The following RRP12 variants were observed in gnomAD, a reference collection of about 807,000 sequenced individuals.
The protein encoded by RRP12 is RRP12-like protein.
In RRP12, 78 loss-of-function variants were observed where a neutral mutation model predicts 157.3. That is an observed-to-expected ratio of 0.50 (90% confidence interval 0.41 to 0.60). RRP12 has a LOEUF of 0.60. RRP12 is among the 20% of genes least tolerant of loss of function. The pLI, the probability that RRP12 is intolerant of heterozygous loss-of-function variation, is 0.00. For synonymous variants in RRP12, 726 were observed against 670.9 expected (o/e 1.08, Z -1.27); for missense variants, 1,521 against 1,679.9 (o/e 0.91, Z 1.65).
chr10:97,360,608 T>TA lies in RRP12; in HGVS notation c.3577_3578insT (p.Gln1193LeufsTer10). 6.2e-7 allele frequency: 1 copy of TA among 1,613,940 alleles called. No homozygotes were observed. Among genetic ancestry groups the TA allele is most frequent in the African/African-American group, 1.3e-5 (1 of 75,032 alleles). The stretch of plus-strand genomic sequence containing the variant: ...AGCCTCTTTCTGGTGCTTGAGCTTC[T>TA]GGTGCTTTTTCTATAGAGAGAGAAT... On this transcript the variant is annotated frameshift_variant, in exon 31 of 34. Transcript: ENST00000370992. LOFTEE classifies it high-confidence loss of function.
Position 97,358,932 on chromosome 10 carries a change from G to A in RRP12, c.3708+11C>T, listed in dbSNP as rs1240514715. On this transcript the variant is annotated intron_variant, in intron 32 of 33. Coordinates refer to ENST00000370992, the MANE Select transcript of RRP12 (RefSeq NM_015179.4). ...TGCCAGGAGACCCCATGCCCTACAT[G>A]CAGCACTTACCTTGGCCTTGTATTC... 4 of 1,610,304 alleles carry A rather than the reference G, an allele frequency of 2.5e-6. No individual in the cohort carries two copies. The highest frequency in any genetic ancestry group is 1.3e-5 in the African/African-American group (1 of 74,868).
In RRP12 at chr10:97,390,454, A is replaced by G. The variant is rs1844770439; in HGVS notation, c.722T>C (p.Leu241Pro). 3 of 1,614,068 alleles carry G rather than the reference A, an allele frequency of 1.9e-6. No individual in the cohort carries two copies. The highest frequency in any genetic ancestry group is 2.5e-6 in the Non-Finnish European group (3 of 1,179,952). Residue 241 changes from leucine to proline, a missense_variant, in exon 6 of 34, where the codon CTG becomes CCG. By Grantham distance (98) the Leu-to-Pro change is moderately conservative. Transcript: ENST00000370992. ...YPVTLQVYHG[L>P]LSFTVHPKPK... is the part of the protein sequence containing the mutation. ...CTTGGGATGCACCGTGAAGCTCAGC[A>G]GCCCATGGTACACCTGAAGGGTCAC... is the stretch of plus-strand genomic sequence containing the variant.
In RRP12 at chr10:97,366,795, C is replaced by A. The variant is rs960871098; in HGVS notation, c.3162G>T (p.Glu1054Asp). 24 of 1,614,102 alleles carry A rather than the reference C, an allele frequency of 1.5e-5. No homozygotes were observed. Among genetic ancestry groups the A allele is most frequent in the Non-Finnish European group, 2.0e-5 (24 of 1,180,054 alleles). ...CCTCCTCCTCCTCCTCTTCTTCCTC[C>A]TCCACGGCAGCCTGGCTCAGGGCTC... ...RHRALSQAAV[E>D]EEEEEEEEEE... Residue 1054 changes from glutamate to aspartate, a missense_variant, in exon 27 of 34, where the codon GAG becomes GAT. Transcript: ENST00000370992.
chr10:97,361,409 C>G lies in RRP12; in HGVS notation c.3568-791G>C, dbSNP rs550706648. On this transcript the variant is annotated intron_variant, in intron 30 of 33. Transcript: ENST00000370992. Reference sequence around the variant, plus strand: ...GGCAGGCAAACAGAGGTGGCCCCAGCTGGCAAGGCTGGTCCCTGCACTGTG... The same window carrying G: ...GGCAGGCAAACAGAGGTGGCCCCAGGTGGCAAGGCTGGTCCCTGCACTGTG... 2.2e-3 allele frequency among the ~76,000 whole-genome samples: 338 copies of G among 152,350 alleles called. 2 individuals are homozygous for G. The highest frequency in any genetic ancestry group is 7.7e-3 in the African/African-American group (320 of 41,594).
At chr10:97,377,147 T>C (rs1438504764) in intron 15 of RRP12, among the ~76,000 whole-genome samples, 1 of 151,684 alleles carries the variant, frequency 6.6e-6, no homozygotes, top group African/African-American at 2.4e-5. Flanking sequence ...CCCCGAGTGC[T>C]AGGATTACAG....
At chr10:97,364,125 A>G (rs1843912108) in intron 29 of RRP12, among the ~76,000 whole-genome samples, 1 of 152,122 alleles carries the variant, frequency 6.6e-6, no homozygotes, top group African/African-American at 2.4e-5. Flanking sequence ...ACGGCCCCTC[A>G]AAGAAGCGGT....
chr10:97,373,263 G>C, intron 17 of RRP12, 63 bp from the exon 18 acceptor site: 1 of 1,555,084 alleles, frequency 6.4e-7, no homozygotes, highest in South Asian at 1.2e-5. Context: ...AGTGGCTGCT[G>C]GGGCTGTGGC....
At chr10:97,398,023 G>T (rs11817766) in intron 2 of RRP12, among the ~76,000 whole-genome samples, 2 of 57,328 alleles carry the variant, frequency 3.5e-5, no homozygotes, top group African/African-American at 1.8e-4. Flanking sequence ...ATATATATAT[G>T]TATATATATA....
chr10:97,370,750 T>A lies in RRP12; in HGVS notation c.2549A>T (p.Glu850Val). The change falls in exon 22 of 34, where the codon GAA (glutamate) becomes GTA (valine). Residue 850 changes from glutamate to valine, a missense_variant. By Grantham distance (121) the Glu-to-Val change is moderately radical (BLOSUM62 -2). Transcript: ENST00000370992. ...GAGGGCAGTGATGAACTCCTTGTGT[T>A]CAGCTGAGAGCTTCCTCACGATGTG... Reference protein sequence around the residue: ...LLHIVRKLSAEHKEFITALIP... With the variant: ...LLHIVRKLSAVHKEFITALIP... 6.2e-7 allele frequency: 1 copy of A among 1,614,078 alleles called. No homozygotes were observed. Among genetic ancestry groups the A allele is most frequent in the Non-Finnish European group, 8.5e-7 (1 of 1,179,994 alleles).
intron 32 of RRP12, 58 bp downstream of exon 32, chr10:97,358,885 C>T (rs1843775593): frequency 2.8e-6 from 4 of 1,413,014 alleles, no homozygotes; most frequent in Non-Finnish European, 1.0e-6. Context: ...CTCCTCCTTG[C>T]CCCTCCCTGG....
rs1844124048 is a variant in RRP12 at position 97,370,739 on chromosome 10, A to G, written c.2560T>C (p.Phe854Leu). Residue 854 changes from phenylalanine (F) to leucine (L), a missense_variant, in exon 22 of 34, where the codon TTC (phenylalanine) becomes CTC (leucine). Transcript: ENST00000370992. The stretch of plus-strand genomic sequence containing the variant: ...ACCTCTGGGATGAGGGCAGTGATGA[A>G]CTCCTTGTGTTCAGCTGAGAGCTTC... The part of the protein sequence containing the change: ...VRKLSAEHKE[F>L]ITALIPEVIL... 1 of 1,613,888 alleles carries G rather than the reference A, an allele frequency of 6.2e-7. No homozygotes were observed. The highest frequency in any genetic ancestry group is 8.5e-7 in the Non-Finnish European group (1 of 1,179,930).
intron 8 of RRP12, among the ~76,000 whole-genome samples, chr10:97,387,643 T>TAAA (rs11316168): frequency 6.8e-6 from 1 of 146,208 alleles, no homozygotes. Context: ...TTAAAGCTGC[T>TAAA]AAAAAAAAAA....
chr10:97,398,905 C>T (rs544495629), intron 2 of RRP12, among the ~76,000 whole-genome samples: 66 of 152,146 alleles, frequency 4.3e-4, no homozygotes, highest in Non-Finnish European at 8.2e-4. Flanking sequence ...AAAAATAATG[C>T]TGTAGTAAAA....
chr10:97,366,333 CCT>C (rs1414162834), intron 28 of RRP12, 100 bp from the exon 29 acceptor site: 57 of 1,564,124 alleles, frequency 3.6e-5, no homozygotes, highest in Admixed American at 1.3e-4. Context: ...CAAACGGGCG[CCT>C]CTCAGCCCTG....
At position 97,393,875 on chromosome 10, in the gene RRP12, A is replaced by G. The variant is rs944091215; in HGVS notation, c.454-115T>C. Reference sequence around the variant, plus strand: ...AGTTGTGACTGAGAACCACGGTATCAGAGGTTCAGATCCTGACTCTGGCAT... The same window carrying G: ...AGTTGTGACTGAGAACCACGGTATCGGAGGTTCAGATCCTGACTCTGGCAT... On this transcript the variant is annotated intron_variant, in intron 3 of 33. Coordinates refer to ENST00000370992, the MANE Select transcript of RRP12 (RefSeq NM_015179.4). 1.2e-5 allele frequency: 9 copies of G among 763,224 alleles called. No individual in the cohort carries two copies. In the African/African-American group the frequency reaches 1.4e-4, roughly 12 times the overall value. 47.3% of individuals were successfully genotyped at this position (763,224 alleles called of 1,614,324 possible).
intron 11 of RRP12, 45 bp downstream of exon 11, chr10:97,381,670 T>C (rs577866688): frequency 7.2e-6 from 11 of 1,523,570 alleles, no homozygotes; most frequent in African/African-American, 5.5e-5. Context: ...GGGCAGCCCA[T>C]AGAACCCCCT....
chr10:97,399,352 C>T (rs954748782), intron 2 of RRP12, among the ~76,000 whole-genome samples: 3 of 152,090 alleles, frequency 2.0e-5, no homozygotes, highest in Admixed American at 6.6e-5. Context: ...TTTTAAATTA[C>T]ATATGTGGCT....
Position 97,378,367 on chromosome 10 carries a change from G to A in RRP12, c.1798+926C>T, listed in dbSNP as rs185532114. Among the ~76,000 whole-genome samples, 536 of 152,258 alleles carry A rather than the reference G, an allele frequency of 3.5e-3. 9 individuals carry two copies. The highest frequency in any genetic ancestry group is 0.025 in the Admixed American group (378 of 15,286). ...TATGTGGTATAGTCTATTGCTCCTA[G>A]GCTACAAACCTGGACAGCATGTTGC... is the stretch of plus-strand genomic sequence containing the variant. On this transcript the variant is annotated intron_variant, in intron 15 of 33. Transcript: ENST00000370992.
Position 97,385,249 on chromosome 10 carries a change from G to C in RRP12, c.1125C>G (p.Tyr375Ter), listed in dbSNP as rs754192216. 5 of 1,613,470 alleles carry C rather than the reference G, an allele frequency of 3.1e-6. No homozygotes were observed. ...ELNAQIITAL[Y>*]DYVPSENDLQ... ...AATCATTCTCACTGGGAACATAGTC[G>C]TACAGGGCCTAAAAGTGGGAATAAG... Residue 375 changes from tyrosine to a stop codon, truncating the protein, a stop_gained, in exon 10 of 34, where the codon TAC becomes TAG. Coordinates refer to ENST00000370992, the MANE Select transcript of RRP12 (RefSeq NM_015179.4). LOFTEE classifies it high-confidence loss of function.
Sources: allele counts gnomAD v4.1 joint callset (sites outside exome capture counted in the v4.1 genomes callset), GRCh38; gene constraint gnomAD v4.1.1; transcripts MANE v1.5; gene names NCBI Gene and HGNC (gene_info 2026-07-23, HGNC 2026-07-21).